ERCC6: variants seen among roughly 807,000 people sequenced by gnomAD.
ERCC6 encodes ERCC excision repair 6, chromatin remodeling factor, also known as DNA excision repair protein ERCC-6.
ERCC6 carries 116 observed loss-of-function variants against 158.7 expected under a neutral mutation model. The observed-to-expected ratio is 0.73, with a 90% CI of 0.63 to 0.85. The LOEUF is 0.85. ERCC6 is among the 40% of genes least tolerant of loss of function. ERCC6 has a pLI of 0.00. For missense variants in ERCC6, 1,698 were observed against 1,799.4 expected (o/e 0.94, Z 1.02); for synonymous variants, 678 against 659.3 (o/e 1.03, Z -0.43).
In ERCC6 at chr10:49,478,515, G is replaced by A. The variant is rs1446626575; in HGVS notation, c.2170-45C>T. On this transcript the variant is annotated intron_variant, in intron 10 of 20. Transcript: ENST00000355832. Reference sequence around the variant, plus strand: ...GGGAACATTACTATATATGTTTAAGGAACGCATTTGTTCTTACCTCTCAAT... The same window carrying A: ...GGGAACATTACTATATATGTTTAAGAAACGCATTTGTTCTTACCTCTCAAT... 3 of 1,170,264 alleles carry A rather than the reference G, an allele frequency of 2.6e-6. No individual in the cohort carries two copies. In the Admixed American group the frequency reaches 5.1e-5, roughly 20 times the overall value. 72.5% of individuals were successfully genotyped at this position (1,170,264 alleles called of 1,614,324 possible).
At chr10:49,537,270 G>A (rs949572068) in intron 1 of ERCC6, among the ~76,000 whole-genome samples, 4 of 151,496 alleles carry the variant, frequency 2.6e-5, no homozygotes, top group African/African-American at 9.7e-5. Flanking sequence ...CTTGAACCCA[G>A]GAGGCGGAGG....
At chr10:49,515,262 G>A in intron 5 of ERCC6, 1 of 1,466,302 alleles carries the variant, frequency 6.8e-7, no homozygotes, top group South Asian at 1.6e-5. Context: ...TGGAACACTA[G>A]GCAAAACCAC....
At chr10:49,452,082 C>T (rs538302283), downstream of ERCC6, among the ~76,000 whole-genome samples, 1 of 151,958 alleles carries the variant, frequency 6.6e-6, no homozygotes, top group East Asian at 1.9e-4. Flanking sequence ...AATATTTTCT[C>T]TATTGTTTTT....
rs780652533 is a variant in ERCC6 at position 49,476,313 on chromosome 10, A to G, written c.2287-3T>C. On this transcript the variant is annotated splice_region_variant and splice_polypyrimidine_tract_variant and intron_variant, in intron 11 of 20. Coordinates refer to ENST00000355832, the MANE Select transcript of ERCC6 (RefSeq NM_000124.4). ...TCTGTAAGACGGCAAAATAAGACCT[A>G]CGGACGGGAAAAACAAGGAAACTAT... The G allele has an allele frequency of 5.7e-5, 92 of 1,605,512 alleles. No individual in the cohort carries two copies. Among genetic ancestry groups the G allele is most frequent in the Non-Finnish European group, 7.0e-5 (82 of 1,173,050 alleles).
Position 49,472,467 on chromosome 10 carries a change from G to A in ERCC6, c.2833C>T (p.Arg945Trp), listed in dbSNP as rs772713214. The stretch of plus-strand genomic sequence containing the variant: ...TGGCCTATTCTCCATGCTCGCTCCC[G>A]GGCCTGCAACAGAGAGAGAGAGACC... ...DWNPSTDTQA[R>W]ERAWRIGQKK... Residue 945 changes from arginine (R) to tryptophan (W), a missense_variant, in exon 16 of 21, where the codon CGG (arginine) becomes TGG (tryptophan). By Grantham distance (101) the Arg-to-Trp change is moderately radical. Coordinates refer to ENST00000355832, the MANE Select transcript of ERCC6 (RefSeq NM_000124.4). The A allele has an allele frequency of 1.5e-5, 24 of 1,613,746 alleles. No individual in the cohort carries two copies. The highest frequency in any genetic ancestry group is 3.3e-5 in the Admixed American group (2 of 59,994).
In ERCC6 at chr10:49,524,703, C is replaced by T; in HGVS notation, c.727G>A (p.Gly243Ser). 6.2e-7 allele frequency: 1 copy of T among 1,610,450 alleles called. No individual in the cohort carries two copies. ...TGGGTACCAAAAGGTGTCATCTGGC[C>T]AGTGCGGATGAGCTCTTCCCAGGCA... ...ETAWEELIRT[G>S]QMTPFGTQIP... The change falls in exon 5 of 21, where the codon GGC (glycine) becomes AGC (serine). Residue 243 changes from glycine (G) to serine (S), a missense_variant. Coordinates refer to ENST00000355832, the MANE Select transcript of ERCC6 (RefSeq NM_000124.4).
At chr10:49,476,835 T>G (rs1033190085) in intron 11 of ERCC6, among the ~76,000 whole-genome samples, 2 of 152,114 alleles carry the variant, frequency 1.3e-5, no homozygotes, top group Middle Eastern at 3.4e-3. Flanking sequence ...CAACCCTCCC[T>G]CCTTCGCAAA....
At chr10:49,444,369 CAAA>C in the ERCC6 span, among the ~76,000 whole-genome samples, 89 of 152,260 alleles carry the variant, frequency 5.8e-4, no homozygotes, top group Non-Finnish European at 8.7e-4. Flanking sequence ...CAGGGGGTCT[CAAA>C]TATATCAAAC....
At chr10:49,435,072 A>G in the ERCC6 span, among the ~76,000 whole-genome samples, 1 of 152,162 alleles carries the variant, frequency 6.6e-6, no homozygotes, top group Non-Finnish European at 1.5e-5. Flanking sequence ...ACAAGACAAA[A>G]AGCATTATTA....
chr10:49,467,329 T>C (rs1320978791), intron 18 of ERCC6, among the ~76,000 whole-genome samples: 1 of 152,190 alleles, frequency 6.6e-6, no homozygotes, highest in Non-Finnish European at 1.5e-5. Flanking sequence ...CCATTTTACA[T>C]TCCCACCAGG....
Position 49,524,184 on chromosome 10 carries a change from T to C in ERCC6, c.1246A>G (p.Lys416Glu), listed in dbSNP as rs1461885607. The part of the protein sequence containing the change: ...PLPKGGKRQK[K>E]VPVQEIDDDF... ...TCATCAATCTCCTGCACTGGCACTT[T>C]CTTCTGCCGTTTCCCGCCCTTGGGC... The change falls in exon 5 of 21, where the codon AAA (lysine) becomes GAA (glutamate). Residue 416 changes from lysine to glutamate, a missense_variant. Transcript: ENST00000355832. The C allele has an allele frequency of 6.2e-7, 1 of 1,614,148 alleles. No homozygotes were observed. The highest frequency in any genetic ancestry group is 1.3e-5 in the African/African-American group (1 of 75,034).
intron 6 of ERCC6, chr10:49,504,379 A>G (rs977687140): frequency 1.3e-5 from 2 of 152,170 alleles, no homozygotes; most frequent in African/African-American, 4.8e-5. Context: ...ATTAACTACT[A>G]TAGAGTTTTG....
chr10:49,472,286 G>A, intron 16 of ERCC6, 90 bp downstream of exon 16: 2 of 1,124,284 alleles, frequency 1.8e-6, no homozygotes, highest in African/African-American at 3.0e-5. Flanking sequence ...ATTCTAAGAT[G>A]TTAAGACTTT....
chr10:49,472,834 A>T, intron 15 of ERCC6, 75 bp downstream of exon 15: 1 of 1,554,884 alleles, frequency 6.4e-7, no homozygotes, highest in Non-Finnish European at 8.8e-7. Context: ...AGAACATCAA[A>T]GGACAGTCAA....
intron 5 of ERCC6, among the ~76,000 whole-genome samples, chr10:49,520,289 T>C (rs1190154063): frequency 1.3e-5 from 2 of 152,212 alleles, no homozygotes; most frequent in Non-Finnish European, 2.9e-5. Flanking sequence ...CCAGTGACAC[T>C]GCATAATCAG....
At chr10:49,528,247 T>A (rs766519322) in intron 4 of ERCC6, among the ~76,000 whole-genome samples, 170 bp downstream of exon 4, 3 of 152,262 alleles carry the variant, frequency 2.0e-5, no homozygotes, top group Non-Finnish European at 2.9e-5. Flanking sequence ...TGAGAGGGAT[T>A]TGGTTCTGCA....
In ERCC6 at chr10:49,480,380, C is replaced by T. The variant is rs1354110740; in HGVS notation, c.2170-1910G>A. Among the ~76,000 whole-genome samples, 3 of 152,156 alleles carry T rather than the reference C, an allele frequency of 2.0e-5. 1 individual carries two copies. The East Asian group carries it at 5.8e-4, about 29-fold the overall frequency. On this transcript the variant is annotated intron_variant, in intron 10 of 20. Coordinates refer to ENST00000355832, the MANE Select transcript of ERCC6 (RefSeq NM_000124.4). ...CATGGGAAGGTTCTGGTTTCTAGCC[C>T]CTGCCATCATTTTAGCACCAGCATG...
At chr10:49,475,751 T>A (rs1850865915) in intron 12 of ERCC6, among the ~76,000 whole-genome samples, 1 of 152,196 alleles carries the variant, frequency 6.6e-6, no homozygotes, top group Non-Finnish European at 1.5e-5. Context: ...ACCAGATTTA[T>A]ATCTGGTTCC....
chr10:49,452,951 G>A (rs897933863), downstream of ERCC6, among the ~76,000 whole-genome samples: 1 of 151,974 alleles, frequency 6.6e-6, no homozygotes, highest in Admixed American at 6.5e-5. Flanking sequence ...GTGTCTTTGA[G>A]CCTAAAGTGT....
Sources: gnomAD v4.1 joint callset for allele counts (sites outside exome capture counted in the v4.1 genomes callset) on GRCh38, gnomAD v4.1.1 for gene constraint, MANE v1.5 for transcripts, NCBI Gene and HGNC (gene_info 2026-07-23, HGNC 2026-07-21) for gene names.